Variants in HS3ST1 observed in about 807,000 individuals in gnomAD.
The protein encoded by HS3ST1 is heparan sulfate glucosamine 3-O-sulfotransferase 1.
Under a neutral mutation model 20.7 loss-of-function variants are expected in HS3ST1, and 8 were observed. The observed-to-expected ratio is 0.39, with a 90% CI of 0.23 to 0.70. HS3ST1 has a LOEUF of 0.70. HS3ST1 is among the 30% of genes least tolerant of loss of function. The probability of loss-of-function intolerance (pLI) is 0.46; values close to 1 mark genes in which losing one functional copy is unlikely to be tolerated. For synonymous variants in HS3ST1, 205 were observed against 190.4 expected (o/e 1.08, Z -0.63); for missense variants, 436 against 423.4 (o/e 1.03, Z -0.26).
chr4:11,417,686 C>T (rs573272147), intron 1 of HS3ST1, among the ~76,000 whole-genome samples: 1 of 152,126 alleles, frequency 6.6e-6, no homozygotes, highest in Non-Finnish European at 1.5e-5. Context: ...ACAAAGATTT[C>T]TCAGGTTAGC....
chr4:11,414,581 C>A (rs1267943767), intron 1 of HS3ST1, among the ~76,000 whole-genome samples: 1 of 152,196 alleles, frequency 6.6e-6, no homozygotes, highest in Non-Finnish European at 1.5e-5. Flanking sequence ...CTTCCCCAAC[C>A]AGCTAGCGTG....
chr4:11,425,859 A>G (rs896222397), intron 1 of HS3ST1, among the ~76,000 whole-genome samples: 2 of 152,196 alleles, frequency 1.3e-5, no homozygotes, highest in Admixed American at 6.5e-5. Flanking sequence ...CTTTAAATCC[A>G]GCTAGCACTC....
chr4:11,424,655 A>G (rs1719017858), intron 1 of HS3ST1, among the ~76,000 whole-genome samples: 2 of 152,158 alleles, frequency 1.3e-5, no homozygotes, highest in African/African-American at 4.8e-5. Flanking sequence ...TGTTGCAGAA[A>G]AGGCACCTCT....
Position 11,398,321 on chromosome 4 carries a change from C to A in HS3ST1, c.*761G>T, listed in dbSNP as rs1441654346. On this transcript the variant is annotated 3_prime_UTR_variant, in exon 2 of 2. Transcript: ENST00000002596. ...TCTATTCTAATTGGCTTTCTGGAGG[C>A]CAGCTGCCACCTGGGGCAAAGTATC... 6.6e-6 allele frequency: 1 copy of A among 152,188 alleles called. No individual in the cohort carries two copies. The allele number at this position is 152,188 out of a possible 1,614,324, so 9.4% of individuals were successfully genotyped here.
intron 1 of HS3ST1, among the ~76,000 whole-genome samples, chr4:11,421,372 C>T (rs545548393): frequency 4.6e-5 from 7 of 152,236 alleles, no homozygotes; most frequent in Non-Finnish European, 1.0e-4. Context: ...ACCCAGGACA[C>T]TGGGAGAGAT....
In HS3ST1 at chr4:11,400,017, C is replaced by T. The variant is rs1718279244; in HGVS notation, c.-12G>A. On this transcript the variant is annotated 5_prime_UTR_variant, in exon 2 of 2. The change creates a new upstream start codon in the 5' untranslated region. Coordinates refer to ENST00000002596, the MANE Select transcript of HS3ST1 (RefSeq NM_005114.4). ...AGCAGCGCGGCCATGCTGGACACCA[C>T]GGTGGCTTCACTGGGCCGCGCGCCG... 8 of 1,488,238 alleles carry T rather than the reference C, an allele frequency of 5.4e-6. No individual in the cohort carries two copies. Among genetic ancestry groups the T allele is most frequent in the Non-Finnish European group, 7.1e-6 (8 of 1,121,960 alleles). The allele number at this position is 1,488,238 out of a possible 1,614,324, so 92.2% of individuals were successfully genotyped here.
At chr4:11,411,276 T>C (rs1718626913) in intron 1 of HS3ST1, among the ~76,000 whole-genome samples, 1 of 152,226 alleles carries the variant, frequency 6.6e-6, no homozygotes, top group East Asian at 1.9e-4. Flanking sequence ...TAGTGGGTTT[T>C]GATTTTATAT....
At chr4:11,400,326 C>T (rs1718289590) in intron 1 of HS3ST1, among the ~76,000 whole-genome samples, 1 of 152,174 alleles carries the variant, frequency 6.6e-6, no homozygotes, top group Admixed American at 6.5e-5. Context: ...CCAACTCCAA[C>T]TCCAACCGTG....
chr4:11,408,827 A>C (rs1029140275), intron 1 of HS3ST1, among the ~76,000 whole-genome samples: 2 of 152,238 alleles, frequency 1.3e-5, no homozygotes, highest in African/African-American at 4.8e-5. Flanking sequence ...TTGGGCCCAC[A>C]GTGGGGTGCA....
At chr4:11,416,120 T>C (rs779644758) in intron 1 of HS3ST1, among the ~76,000 whole-genome samples, 10 of 152,142 alleles carry the variant, frequency 6.6e-5, no homozygotes, top group Non-Finnish European at 1.5e-4. Flanking sequence ...GGACATTTTC[T>C]CAGGTCACTT....
At chr4:11,431,232 T>TAAAAAAAAAA (rs77643058), upstream of HS3ST1, among the ~76,000 whole-genome samples, 1 of 137,880 alleles carries the variant, frequency 7.3e-6, no homozygotes. Context: ...ACTATGCTCT[T>TAAAAAAAAAA]AAAAAAAAAA....
At chr4:11,403,793 C>T (rs1306464206) in intron 1 of HS3ST1, among the ~76,000 whole-genome samples, 1 of 152,162 alleles carries the variant, frequency 6.6e-6, no homozygotes, top group Non-Finnish European at 1.5e-5. Flanking sequence ...GCCCTGGAGT[C>T]AGGATTCCTG....
intron 1 of HS3ST1, among the ~76,000 whole-genome samples, chr4:11,406,519 A>G (rs1373987483): frequency 2.0e-5 from 3 of 152,236 alleles, no homozygotes; most frequent in African/African-American, 7.2e-5. Flanking sequence ...TCATATTCAT[A>G]TCTGCCATGA....
intron 1 of HS3ST1, among the ~76,000 whole-genome samples, chr4:11,416,293 C>G (rs1038215517): frequency 6.6e-6 from 1 of 152,216 alleles, no homozygotes; most frequent in Non-Finnish European, 1.5e-5. Flanking sequence ...TCGCCCCTCA[C>G]CACATAAATC....
chr4:11,432,458 A>G (rs185986060), upstream of HS3ST1, among the ~76,000 whole-genome samples: 42 of 152,348 alleles, frequency 2.8e-4, no homozygotes, highest in Non-Finnish European at 5.4e-4. Context: ...TTACTGCTGA[A>G]TCACCTTAAA....
intron 1 of HS3ST1, among the ~76,000 whole-genome samples, chr4:11,419,100 T>C (rs1243808621): frequency 2.0e-5 from 3 of 151,864 alleles, no homozygotes; most frequent in East Asian, 2.0e-4. Context: ...CAAATCCTTT[T>C]TTCTGCTTGT....
At chr4:11,424,037 G>GA (rs543945093) in intron 1 of HS3ST1, among the ~76,000 whole-genome samples, 1,566 of 112,790 alleles carry the variant, frequency 0.014, 15 homozygotes, top group Middle Eastern at 0.027. Flanking sequence ...AGTCTATCTT[G>GA]AAAAAAAAAA....
At chr4:11,415,586 A>T (rs1718754872) in intron 1 of HS3ST1, among the ~76,000 whole-genome samples, 1 of 152,240 alleles carries the variant, frequency 6.6e-6, no homozygotes, top group Non-Finnish European at 1.5e-5. Flanking sequence ...AAGAAACAAC[A>T]TTCTGAAAAT....
chr4:11,430,010 G>C (rs971449764), upstream of HS3ST1, among the ~76,000 whole-genome samples: 2 of 151,906 alleles, frequency 1.3e-5, no homozygotes, highest in African/African-American at 4.8e-5. Flanking sequence ...GGAAGACTTC[G>C]AATTTGTGAT....
Sources: allele counts gnomAD v4.1 joint callset (sites outside exome capture counted in the v4.1 genomes callset), GRCh38; gene constraint gnomAD v4.1.1; transcripts MANE v1.5; gene names NCBI Gene and HGNC (gene_info 2026-07-23, HGNC 2026-07-21).